PACRG: variants seen among roughly 807,000 people sequenced by gnomAD.
PACRG encodes parkin coregulated gene protein.
In PACRG, 29 loss-of-function variants were observed where a neutral mutation model predicts 29.7. The ratio of observed to expected loss-of-function variants is 0.98; its 90% CI spans 0.73 to 1.33. The LOEUF is 1.33. PACRG is among the 40% of genes most tolerant of loss of function. PACRG has a pLI of 0.00. For missense variants in PACRG, 279 were observed against 316.2 expected, an observed-to-expected ratio of 0.88 and a Z score of 0.89; for synonymous variants, 116 against 118.7, an observed-to-expected ratio of 0.98 and a Z score of 0.15.
At chr6:162,754,195 A>T (rs1055327236) in intron 1 of PACRG, among the ~76,000 whole-genome samples, 1 of 152,070 alleles carries the variant, frequency 6.6e-6, no homozygotes, top group Non-Finnish European at 1.5e-5. Context: ...ATGTAAGGTG[A>T]TATCTTTTTG....
At chr6:163,015,200 G>C (rs1805980508) in intron 2 of PACRG, among the ~76,000 whole-genome samples, 1 of 152,108 alleles carries the variant, frequency 6.6e-6, no homozygotes, top group Non-Finnish European at 1.5e-5. Context: ...GTGTTCCATT[G>C]GTCTGTGTGT....
chr6:163,174,416 C>A (rs1029159650), intron 4 of PACRG, among the ~76,000 whole-genome samples: 1 of 152,208 alleles, frequency 6.6e-6, no homozygotes, highest in Non-Finnish European at 1.5e-5. Context: ...CCCAAAACTT[C>A]AGGTTCCCAG....
rs147078325 is a variant in PACRG, at chr6:163,134,835, A to G, written c.613+45427A>G. On this transcript the variant is annotated intron_variant, in intron 4 of 4. Transcript: ENST00000366888. Reference sequence around the variant, plus strand: ...TCTATGAATCCCTGTGTACCTACCAATCAACTTTATCAAATCTCAACAGTT... The same window carrying G: ...TCTATGAATCCCTGTGTACCTACCAGTCAACTTTATCAAATCTCAACAGTT... Among the ~76,000 whole-genome samples, 519 of 152,302 alleles carry G rather than the reference A, an allele frequency of 3.4e-3. 2 individuals carry two copies. The highest frequency in any genetic ancestry group is 6.1e-3 in the Admixed American group (93 of 15,296).
At chr6:163,087,122 G>A (rs1327740961) in intron 3 of PACRG, among the ~76,000 whole-genome samples, 2 of 152,182 alleles carry the variant, frequency 1.3e-5, no homozygotes, top group Admixed American at 6.5e-5. Flanking sequence ...CCATACAAGA[G>A]CAGGCTGGTG....
At chr6:163,019,008 A>G (rs1301527497) in intron 2 of PACRG, among the ~76,000 whole-genome samples, 1 of 151,976 alleles carries the variant, frequency 6.6e-6, no homozygotes, top group Admixed American at 6.6e-5. Context: ...ATTTCCTGAT[A>G]TTTATTTTGC....
intron 2 of PACRG, among the ~76,000 whole-genome samples, chr6:162,908,910 C>G (rs1584728306): frequency 6.6e-6 from 1 of 152,134 alleles, no homozygotes. Flanking sequence ...GACTGTCATT[C>G]CATGTCTCTG....
intron 4 of PACRG, among the ~76,000 whole-genome samples, chr6:163,225,897 G>A (rs1781775172): frequency 6.6e-6 from 1 of 152,094 alleles, no homozygotes; most frequent in South Asian, 2.1e-4. Flanking sequence ...GAAGGAAATT[G>A]GCTGTGCACA....
chr6:162,899,467 C>G (rs895727596), intron 2 of PACRG, among the ~76,000 whole-genome samples: 2 of 152,114 alleles, frequency 1.3e-5, no homozygotes, highest in African/African-American at 2.4e-5. Flanking sequence ...TCTCCAAGCC[C>G]GTGCCGGACC....
chr6:163,094,075 C>T (rs1390300569), intron 4 of PACRG, among the ~76,000 whole-genome samples: 2 of 152,154 alleles, frequency 1.3e-5, no homozygotes, highest in Non-Finnish European at 2.9e-5. Context: ...CCTTGATATT[C>T]GTGTGAATTC....
intron 4 of PACRG, among the ~76,000 whole-genome samples, chr6:163,089,804 A>G (rs1304332428): frequency 6.6e-6 from 1 of 152,208 alleles, no homozygotes; most frequent in Non-Finnish European, 1.5e-5. Flanking sequence ...TTGGTTTAAG[A>G]TGAATTTTTA....
chr6:162,981,290 C>CATATATATATATATATATATATAT (rs150972042), intron 2 of PACRG, among the ~76,000 whole-genome samples: 2 of 139,508 alleles, frequency 1.4e-5, no homozygotes, highest in African/African-American at 2.9e-5. Context: ...ATGTATAAAA[C>CATATATATATATATATATATATAT]ATATATATAT....
chr6:162,787,043 G>T (rs375643720), intron 1 of PACRG, among the ~76,000 whole-genome samples: 6 of 152,228 alleles, frequency 3.9e-5, no homozygotes, highest in African/African-American at 1.4e-4. Flanking sequence ...ATGAGTAATA[G>T]TTTATACTAG....
At chr6:163,117,739 G>A (rs1018505780) in intron 4 of PACRG, among the ~76,000 whole-genome samples, 5 of 143,440 alleles carry the variant, frequency 3.5e-5, no homozygotes, top group African/African-American at 1.1e-4. Context: ...TGACAAGAAC[G>A]AGACTCTGTC....
chr6:162,947,310 TAATCATATATAATACATATAATC>T (rs1799104136), intron 2 of PACRG, among the ~76,000 whole-genome samples: 1 of 96,976 alleles, frequency 1.0e-5, no homozygotes, highest in African/African-American at 3.9e-5. Flanking sequence ...ATAATATATA[TAATCATATATAATACATATAATC>T]ATATATATAA....
intron 2 of PACRG, among the ~76,000 whole-genome samples, chr6:163,002,604 T>G (rs1804690733): frequency 6.6e-6 from 1 of 152,192 alleles, no homozygotes; most frequent in African/African-American, 2.4e-5. Flanking sequence ...AATAAATGAA[T>G]GAATCAGTTA....
At chr6:162,841,635 T>G (rs1173623321) in intron 2 of PACRG, among the ~76,000 whole-genome samples, 4 of 148,916 alleles carry the variant, frequency 2.7e-5, no homozygotes, top group Non-Finnish European at 6.0e-5. Flanking sequence ...TGCCTTCTGC[T>G]AGCTTTTGAA....
chr6:163,018,418 C>T (rs1441060217), intron 2 of PACRG, among the ~76,000 whole-genome samples: 6 of 152,158 alleles, frequency 3.9e-5, no homozygotes, highest in Non-Finnish European at 8.8e-5. Flanking sequence ...GTAGAATCCT[C>T]AAGAAGTTTT....
chr6:162,733,226 T>G (rs1023573896), intron 1 of PACRG, among the ~76,000 whole-genome samples: 20 of 152,204 alleles, frequency 1.3e-4, no homozygotes, highest in African/African-American at 4.8e-4. Flanking sequence ...TCTTTAATTC[T>G]CCCTTCCTGT....
chr6:162,859,485 G>A (rs1343614055), intron 2 of PACRG, among the ~76,000 whole-genome samples: 2 of 152,138 alleles, frequency 1.3e-5, no homozygotes, highest in Non-Finnish European at 1.5e-5. Context: ...TTCAGAACAC[G>A]CTACCCCAAA....
Sources: gnomAD v4.1 joint callset for allele counts (sites outside exome capture counted in the v4.1 genomes callset) on GRCh38, gnomAD v4.1.1 for gene constraint, MANE v1.5 for transcripts, NCBI Gene and HGNC (gene_info 2026-07-23, HGNC 2026-07-21) for gene names.